Variants in OSBPL3 observed in about 807,000 individuals in gnomAD.
OSBPL3 encodes the protein oxysterol binding protein like 3.
In OSBPL3, 65 loss-of-function variants were observed where a neutral mutation model predicts 120.1. That is an observed-to-expected ratio of 0.54 (90% confidence interval 0.44 to 0.67). The LOEUF (loss-of-function observed/expected upper bound fraction) is 0.67, where lower values mean the gene tolerates loss of function less well. Ranked by LOEUF, OSBPL3 falls within the 30% of genes least tolerant of loss-of-function variation. The probability of loss-of-function intolerance (pLI) is 0.00; values close to 1 mark genes in which losing one functional copy is unlikely to be tolerated. For synonymous variants in OSBPL3, 416 were observed against 402.6 expected (o/e 1.03, Z -0.40); for missense variants, 1,004 against 1,082.1 (o/e 0.93, Z 1.01).
In OSBPL3 at chr7:24,933,942, C is replaced by T. The variant is rs2128470610; in HGVS notation, c.-149-41321G>A. 6.6e-6 allele frequency among the ~76,000 whole-genome samples: 1 copy of T among 152,200 alleles called. No homozygotes were observed. The highest frequency in any genetic ancestry group is 1.9e-4 in the East Asian group (1 of 5,186). On this transcript the variant is annotated intron_variant, in intron 1 of 22. Coordinates refer to ENST00000313367, the MANE Select transcript of OSBPL3 (RefSeq NM_015550.4). This position sits in a 1 kb window ranked among gnomAD's most constrained non-coding sequence, Gnocchi z 5.1. The stretch of plus-strand genomic sequence containing the variant: ...ATTAAATCAGTTTAGTCTATAAATA[C>T]CTTTATAGATGACATTAGAAAAGCA...
rs934918416 is a variant in OSBPL3 at position 24,953,120 on chromosome 7, G to A, written c.-150+26766C>T. 6.6e-6 allele frequency among the ~76,000 whole-genome samples: 1 copy of A among 152,202 alleles called. No individual in the cohort carries two copies. Among genetic ancestry groups the A allele is most frequent in the Non-Finnish European group, 1.5e-5 (1 of 68,048 alleles). ...CCACTGTGCTCCAGCCTGGACGACA[G>A]AGTGAGACCCCGTCTCTAAAAGGTA... is the stretch of plus-strand genomic sequence containing the variant. On this transcript the variant is annotated intron_variant, in intron 1 of 22. Transcript: ENST00000313367. This position sits in a 1 kb window ranked among gnomAD's most constrained non-coding sequence, Gnocchi z 4.3.
At position 24,854,504 on chromosome 7, in the gene OSBPL3, A is replaced by G. The variant is rs6962271; in HGVS notation, c.1028-1870T>C. Among the ~76,000 whole-genome samples the G allele has an allele frequency of 0.034, 1,598 of 47,024 alleles. 28 individuals are homozygous for G. The highest frequency in any genetic ancestry group is 0.11 in the African/African-American group (1,351 of 12,434). 30.8% of individuals were successfully genotyped at this position (47,024 alleles called of 152,430 possible). A position where few individuals can be genotyped will look rare whatever the true frequency, so the allele number is the denominator to read the frequency against. On this transcript the variant is annotated intron_variant, in intron 10 of 22. Coordinates refer to ENST00000313367, the MANE Select transcript of OSBPL3 (RefSeq NM_015550.4). This position sits in a 1 kb window ranked among gnomAD's most constrained non-coding sequence, Gnocchi z 4.1. ...CAACAATTTGTACACACACACACGCACACACACACACACACACACACACAC... is the reference window on the plus strand; with the variant it reads ...CAACAATTTGTACACACACACACGCGCACACACACACACACACACACACAC...
intron 1 of OSBPL3, among the ~76,000 whole-genome samples, chr7:24,904,963 A>ATGTGTGTGTGTGTG (rs1562909652): frequency 2.4e-5 from 2 of 84,566 alleles, no homozygotes; most frequent in African/African-American, 8.9e-5. Context: ...GTGTGTGTGA[A>ATGTGTGTGTGTGTG]TAAAGTTAAG....
intron 1 of OSBPL3, among the ~76,000 whole-genome samples, chr7:24,895,063 T>G (rs779267136): frequency 5.3e-5 from 8 of 152,218 alleles, no homozygotes; most frequent in Non-Finnish European, 1.2e-4. Context: ...GTTTTGGGAT[T>G]GTTGCCCGGG....
chr7:24,889,803 C>T (rs368523398), intron 2 of OSBPL3, among the ~76,000 whole-genome samples: 18 of 152,238 alleles, frequency 1.2e-4, no homozygotes, highest in African/African-American at 4.3e-4. Flanking sequence ...GGGGAAGCCC[C>T]CACACCACAA....
In OSBPL3 at chr7:24,891,873, AG is replaced by A. The variant is rs1305517855; in HGVS notation, c.96+503del. Among the ~76,000 whole-genome samples, 1 of 152,250 alleles carries A rather than the reference AG, an allele frequency of 6.6e-6. No homozygotes were observed. The highest frequency in any genetic ancestry group is 1.5e-5 in the Non-Finnish European group (1 of 68,040). On this transcript the variant is annotated intron_variant, in intron 2 of 22. Transcript: ENST00000313367. The surrounding 1 kb of genome is among the most constrained non-coding windows in gnomAD (Gnocchi z 4.1). ...GCAGGTGAGTCTCGAAGCTACTAAC[AG>A]GGCAATCTGTGGTTACAAGCTGCCA...
rs1447381959 is a variant in OSBPL3, at chr7:24,834,833, T to A, written c.1496-97A>T. On this transcript the variant is annotated intron_variant, in intron 14 of 22. Coordinates refer to ENST00000313367, the MANE Select transcript of OSBPL3 (RefSeq NM_015550.4). This position sits in a 1 kb window ranked among gnomAD's most constrained non-coding sequence, Gnocchi z 5.2. Reference sequence around the variant, plus strand: ...AAAACCTTACGTAGCAAGTAGTCAATGTTACTATTAAACTCAGTTGTTCAG... The same window carrying A: ...AAAACCTTACGTAGCAAGTAGTCAAAGTTACTATTAAACTCAGTTGTTCAG... 5.3e-6 allele frequency: 6 copies of A among 1,128,662 alleles called. No individual in the cohort carries two copies. The highest frequency in any genetic ancestry group is 7.3e-6 in the Non-Finnish European group (6 of 817,164). The allele number at this position is 1,128,662 out of a possible 1,614,324, so 69.9% of individuals were successfully genotyped here. A position where few individuals can be genotyped will look rare whatever the true frequency, so the allele number is the denominator to read the frequency against.
chr7:24,965,281 G>A lies in OSBPL3; in HGVS notation c.-150+14605C>T, dbSNP rs1816241519. Among the ~76,000 whole-genome samples the A allele has an allele frequency of 6.6e-6, 1 of 152,206 alleles. No homozygotes were observed. Among genetic ancestry groups the A allele is most frequent in the Non-Finnish European group, 1.5e-5 (1 of 68,042 alleles). ...AATAAATCTACAGTAAGAAAATCTA[G>A]ATATAAGTATGAGCTCAACTATTTT... is the stretch of plus-strand genomic sequence containing the variant. On this transcript the variant is annotated intron_variant, in intron 1 of 22. Coordinates refer to ENST00000313367, the MANE Select transcript of OSBPL3 (RefSeq NM_015550.4). This position sits in a 1 kb window ranked among gnomAD's most constrained non-coding sequence, Gnocchi z 4.3.
rs1584372692 is a variant in OSBPL3 at position 24,851,072 on chromosome 7, C to G, written c.1158+1432G>C. Among the ~76,000 whole-genome samples the G allele has an allele frequency of 2.0e-5, 3 of 152,074 alleles. No homozygotes were observed. ...AGATTGACAAGATGAGGCCAGGCCT[C>G]TGTGGGAGGAGGCAGGGAGAGGAAG... On this transcript the variant is annotated intron_variant, in intron 11 of 22. Coordinates refer to ENST00000313367, the MANE Select transcript of OSBPL3 (RefSeq NM_015550.4). This position sits in a 1 kb window ranked among gnomAD's most constrained non-coding sequence, Gnocchi z 4.1.
chr7:24,880,011 T>C (rs1321175854), intron 2 of OSBPL3, among the ~76,000 whole-genome samples: 2 of 152,198 alleles, frequency 1.3e-5, no homozygotes, highest in Non-Finnish European at 1.5e-5. Context: ...CAGGGTCTCT[T>C]AGACTATTAA....
chr7:24,976,801 A>G (rs1444719356), intron 1 of OSBPL3, among the ~76,000 whole-genome samples: 1 of 152,240 alleles, frequency 6.6e-6, no homozygotes, highest in Non-Finnish European at 1.5e-5. Context: ...CGAGAAGCAC[A>G]TTATAAATAA....
intron 16 of OSBPL3, among the ~76,000 whole-genome samples, chr7:24,823,258 T>C (rs754039918): frequency 2.0e-5 from 3 of 152,150 alleles, no homozygotes; most frequent in East Asian, 1.9e-4. Context: ...AAAGAACACA[T>C]ACAAACTGTC....
chr7:24,937,525 T>C lies in OSBPL3; in HGVS notation c.-150+42361A>G, dbSNP rs1812571242. 6.6e-6 allele frequency among the ~76,000 whole-genome samples: 1 copy of C among 152,252 alleles called. No homozygotes were observed. Among genetic ancestry groups the C allele is most frequent in the Non-Finnish European group, 1.5e-5 (1 of 68,050 alleles). On this transcript the variant is annotated intron_variant, in intron 1 of 22. Coordinates refer to ENST00000313367, the MANE Select transcript of OSBPL3 (RefSeq NM_015550.4). This position sits in a 1 kb window ranked among gnomAD's most constrained non-coding sequence, Gnocchi z 4.0. ...TTTAATTTACTGAGTCCATTATAGT[T>C]ATTTATCCATCTTACTCATGGACAT... is the stretch of plus-strand genomic sequence containing the variant.
rs1054352441 is a variant in OSBPL3, at chr7:24,922,654, T to C, written c.-149-30033A>G. Among the ~76,000 whole-genome samples, 6 of 152,228 alleles carry C rather than the reference T, an allele frequency of 3.9e-5. No individual in the cohort carries two copies. The highest frequency in any genetic ancestry group is 3.9e-4 in the Admixed American group (6 of 15,284). On this transcript the variant is annotated intron_variant, in intron 1 of 22. Coordinates refer to ENST00000313367, the MANE Select transcript of OSBPL3 (RefSeq NM_015550.4). This position sits in a 1 kb window ranked among gnomAD's most constrained non-coding sequence, Gnocchi z 4.3. Reference sequence around the variant, plus strand: ...TGTTCTCCTGTGACTTCCACAGACCTGCCAGCTCTGCCCTGGTCCTCAGTC... The same window carrying C: ...TGTTCTCCTGTGACTTCCACAGACCCGCCAGCTCTGCCCTGGTCCTCAGTC...
rs1450968826 is a variant in OSBPL3 at position 24,865,449 on chromosome 7, T to C, written c.566A>G (p.Lys189Arg). 6.2e-7 allele frequency: 1 copy of C among 1,613,880 alleles called. No individual in the cohort carries two copies. The highest frequency in any genetic ancestry group is 1.7e-5 in the Admixed American group (1 of 60,034). Residue 189 changes from lysine to arginine, a missense_variant, in exon 7 of 23, where the codon AAG becomes AGG. Lys to Arg is a conservative substitution (Grantham distance 26). This residue lies in a region of OSBPL3 where 255 missense variants were observed against 248.7 expected (regional missense o/e 1.03). Coordinates refer to ENST00000313367, the MANE Select transcript of OSBPL3 (RefSeq NM_015550.4). Reference protein sequence around the residue: ...ISSRKRSSISKQNLFQTGSNV... With the variant: ...ISSRKRSSISRQNLFQTGSNV... ...GCTTCCAGTTTGAAATAAATTCTGC[T>C]TTGATATACTGCTACGCTGTTCCAC...
At position 24,830,877 on chromosome 7, in the gene OSBPL3, G is replaced by A. The variant is rs770096961; in HGVS notation, c.1775C>T (p.Ala592Val). 10 of 1,612,754 alleles carry A rather than the reference G, an allele frequency of 6.2e-6. No homozygotes were observed. Among genetic ancestry groups the A allele is most frequent in the East Asian group, 2.2e-5 (1 of 44,846 alleles). ...AGCTCGGTAGTAGCTAGATGCATAC[G>A]CTGATATGGCAAAGGCTGCCACATA... ...MVYVAAFAISAYASSYYRAGS... is the reference protein window; with the variant it reads ...MVYVAAFAISVYASSYYRAGS... Residue 592 changes from alanine to valine, a missense_variant, in exon 16 of 23, where the codon GCG (alanine) becomes GTG (valine). This residue lies in a region of OSBPL3 where 473 missense variants were observed against 568.0 expected (regional missense o/e 0.83). Transcript: ENST00000313367. The surrounding 1 kb of genome is among the most constrained non-coding windows in gnomAD (Gnocchi z 4.4).
chr7:24,924,312 G>A (rs914375481), intron 1 of OSBPL3, among the ~76,000 whole-genome samples: 7 of 152,098 alleles, frequency 4.6e-5, no homozygotes, highest in South Asian at 2.1e-4. Flanking sequence ...GGGTGGCAAC[G>A]CTAAGAGATT....
At position 24,877,769 on chromosome 7, in the gene OSBPL3, C is replaced by G. The variant is rs1803052853; in HGVS notation, c.97-5700G>C. 6.6e-6 allele frequency among the ~76,000 whole-genome samples: 1 copy of G among 152,128 alleles called. No homozygotes were observed. Among genetic ancestry groups the G allele is most frequent in the Non-Finnish European group, 1.5e-5 (1 of 68,034 alleles). Reference sequence around the variant, plus strand: ...AAGGAACCAGGACTTAGGAGTATCTCCTGGTGACCCCAAGAGTAGGGCAGG... The same window carrying G: ...AAGGAACCAGGACTTAGGAGTATCTGCTGGTGACCCCAAGAGTAGGGCAGG... On this transcript the variant is annotated intron_variant, in intron 2 of 22. Coordinates refer to ENST00000313367, the MANE Select transcript of OSBPL3 (RefSeq NM_015550.4). The surrounding 1 kb of genome is among the most constrained non-coding windows in gnomAD (Gnocchi z 4.8).
intron 1 of OSBPL3, among the ~76,000 whole-genome samples, chr7:24,908,911 G>A (rs1490404271): frequency 6.6e-6 from 1 of 152,140 alleles, no homozygotes; most frequent in Non-Finnish European, 1.5e-5. Flanking sequence ...TCAAAAGATG[G>A]CAAGAGCCTG....
Sources: gnomAD v4.1 joint callset for allele counts (sites outside exome capture counted in the v4.1 genomes callset) on GRCh38, gnomAD v4.1.1 for gene constraint, gnomAD v4.1.1 regional missense constraint, Gnocchi (gnomAD v3.1) non-coding constraint, MANE v1.5 for transcripts, NCBI Gene and HGNC (gene_info 2026-07-23, HGNC 2026-07-21) for gene names.